Variants in GTF2H2 observed in about 807,000 individuals in gnomAD.
The protein encoded by GTF2H2 is TFIIH basal transcription factor complex p44 subunit.
Under a neutral mutation model 16.5 loss-of-function variants are expected in GTF2H2, and 2 were observed. The ratio of observed to expected loss-of-function variants is 0.12; its 90% CI spans 0.05 to 0.38. The LOEUF (loss-of-function observed/expected upper bound fraction) is 0.38, where lower values mean the gene tolerates loss of function less well. Ranked by LOEUF, GTF2H2 falls within the 10% of genes least tolerant of loss-of-function variation. The pLI is 0.99. For synonymous variants in GTF2H2, 8 were observed against 44.1 expected (o/e 0.18, Z 3.24); for missense variants, 20 against 137.0 (o/e 0.15, Z 4.26).
At chr5:71,057,122 C>T (rs1753300578) in intron 7 of GTF2H2, among the ~76,000 whole-genome samples, 2 of 93,024 alleles carry the variant, frequency 2.1e-5, no homozygotes, top group Non-Finnish European at 4.5e-5. Context: ...TACTATTAAA[C>T]ATTTAATTTT....
At chr5:71,054,419 G>A (rs1324070366) in intron 8 of GTF2H2, among the ~76,000 whole-genome samples, 1 of 145,890 alleles carries the variant, frequency 6.9e-6, no homozygotes, top group East Asian at 1.9e-4. Context: ...CTGAGCCAGG[G>A]CGGACTATCC....
At chr5:71,052,035 ACTCT>A in intron 8 of GTF2H2, among the ~76,000 whole-genome samples, 1 of 138,946 alleles carries the variant, frequency 7.2e-6, no homozygotes, top group African/African-American at 2.8e-5. Flanking sequence ...ACAGAGCGAG[ACTCT>A]CTCTCAAAAA....
rs1265834897 is a variant in GTF2H2, at chr5:71,058,221, A to G, written c.364+1469T>C. The stretch of plus-strand genomic sequence containing the variant: ...TTCTCAAAAAAAAAAAAAAAAAAGA[A>G]GTAATAGAAAACTGCTGGTAACTCG... On this transcript the variant is annotated intron_variant, in intron 7 of 15. Coordinates refer to ENST00000274400, the Ensembl canonical transcript of GTF2H2. The G allele has an allele frequency of 2.1e-5, 3 of 142,330 alleles. 1 individual carries two copies. Among genetic ancestry groups the G allele is most frequent in the African/African-American group, 8.0e-5 (3 of 37,390 alleles). 8.8% of individuals were successfully genotyped at this position (142,330 alleles called of 1,614,324 possible). A position where few individuals can be genotyped will look rare whatever the true frequency, so the allele number is the denominator to read the frequency against.
chr5:71,053,112 AATG>A (rs1232765211), intron 8 of GTF2H2, among the ~76,000 whole-genome samples: 2 of 115,980 alleles, frequency 1.7e-5, no homozygotes, highest in African/African-American at 3.5e-5. Context: ...TTGCATTCAC[AATG>A]TGACTAAGTG....
chr5:71,055,062 TATTAA>T (rs1489841541), intron 8 of GTF2H2: 1 of 218,384 alleles, frequency 4.6e-6, no homozygotes, highest in Non-Finnish European at 8.8e-6. Flanking sequence ...TATTATACTA[TATTAA>T]ATCTCATTTT....
At chr5:71,044,020 C>T (rs1382311685) in intron 12 of GTF2H2, among the ~76,000 whole-genome samples, 2 of 119,254 alleles carry the variant, frequency 1.7e-5, no homozygotes, top group East Asian at 2.5e-4. Flanking sequence ...AGTTTAATCT[C>T]TTCAAAATTT....
intron 8 of GTF2H2, among the ~76,000 whole-genome samples, chr5:71,052,915 A>ATTGTT (rs1752867782): frequency 1.1e-4 from 5 of 44,052 alleles, no homozygotes; most frequent in Non-Finnish European, 1.5e-4. Flanking sequence ...TGCCTGGCTA[A>ATTGTT]TTTTTTTTTT....
intron 14 of GTF2H2, among the ~76,000 whole-genome samples, chr5:71,038,188 C>T (rs1426437896): frequency 1.2e-5 from 1 of 81,544 alleles, no homozygotes; most frequent in African/African-American, 4.3e-5. Flanking sequence ...CAGCCTCAAC[C>T]TCCTGGGCTC....
intron 15 of GTF2H2, among the ~76,000 whole-genome samples, chr5:71,036,286 C>T (rs1751743695): frequency 1.2e-5 from 1 of 86,606 alleles, no homozygotes; most frequent in Non-Finnish European, 2.4e-5. Flanking sequence ...GAAAAAACTA[C>T]ATTTGTTCTT....
intron 8 of GTF2H2, chr5:71,054,886 T>C (rs1407067723): frequency 7.2e-6 from 1 of 138,662 alleles, no homozygotes; most frequent in African/African-American, 2.8e-5. Flanking sequence ...AAGCTTTAAC[T>C]ATACCAAGTA....
intron 8 of GTF2H2, among the ~76,000 whole-genome samples, chr5:71,054,808 T>G (rs1382790902): frequency 1.5e-5 from 2 of 137,368 alleles, no homozygotes; most frequent in Non-Finnish European, 1.6e-5. Flanking sequence ...AACATATATA[T>G]AAGCTTTATA....
At chr5:71,052,915 A>ATTGTTTTT (rs1752867782) in intron 8 of GTF2H2, among the ~76,000 whole-genome samples, 8 of 44,052 alleles carry the variant, frequency 1.8e-4, no homozygotes, top group Non-Finnish European at 2.2e-4. Context: ...TGCCTGGCTA[A>ATTGTTTTT]TTTTTTTTTT....
In GTF2H2 at chr5:71,037,833, A is replaced by G. The variant is rs541180534; in HGVS notation, c.1029-287T>C. On this transcript the variant is annotated intron_variant, in intron 14 of 15. Coordinates refer to ENST00000274400, the Ensembl canonical transcript of GTF2H2. ...CTAAAAATACAAAAATTAGCTGGGC[A>G]TGATGGCAGGCGCCTATAATCCCAG... is the stretch of plus-strand genomic sequence containing the variant. Among the ~76,000 whole-genome samples the G allele has an allele frequency of 3.4e-3, 255 of 75,120 alleles. 85 individuals carry two copies. Among genetic ancestry groups the G allele is most frequent in the Middle Eastern group, 0.026 (5 of 194 alleles). The allele number at this position is 75,120 out of a possible 152,430, so 49.3% of individuals were successfully genotyped here. A position where few individuals can be genotyped will look rare whatever the true frequency, so the allele number is the denominator to read the frequency against.
chr5:71,052,915 A>ATTGTTTTTTTTTTTTTT (rs1752867782), intron 8 of GTF2H2, among the ~76,000 whole-genome samples: 1 of 44,052 alleles, frequency 2.3e-5, no homozygotes, highest in Non-Finnish European at 3.7e-5. Flanking sequence ...TGCCTGGCTA[A>ATTGTTTTTTTTTTTTTT]TTTTTTTTTT....
At chr5:71,039,712 G>T (rs1751967715) in intron 14 of GTF2H2, among the ~76,000 whole-genome samples, 1 of 129,188 alleles carries the variant, frequency 7.7e-6, no homozygotes. Flanking sequence ...ATAGTACTGG[G>T]TTTTTCATTT....
In GTF2H2 at chr5:71,052,915, A is replaced by ATTG. The variant is rs1752867782; in HGVS notation, c.470+2436_470+2437insCAA. ...AGGTGCTCGCCACTGTGCCTGGCTA[A>ATTG]TTTTTTTTTTTTTTTTTTTTTTTTT... On this transcript the variant is annotated intron_variant, in intron 8 of 15. Coordinates refer to ENST00000274400, the Ensembl canonical transcript of GTF2H2. 1.7e-3 allele frequency among the ~76,000 whole-genome samples: 73 copies of ATTG among 44,040 alleles called. 3 individuals carry two copies. Among genetic ancestry groups the ATTG allele is most frequent in the East Asian group, 3.0e-3 (4 of 1,352 alleles). The allele number at this position is 44,040 out of a possible 152,430, so 28.9% of individuals were successfully genotyped here.
At chr5:71,044,267 C>T (rs1429273150) in intron 12 of GTF2H2, among the ~76,000 whole-genome samples, 1 of 37,644 alleles carries the variant, frequency 2.7e-5, no homozygotes, top group African/African-American at 1.2e-4. Flanking sequence ...GATTTTTTCC[C>T]TGACTTCCAG....
intron 11 of GTF2H2, among the ~76,000 whole-genome samples, chr5:71,046,032 T>A (rs1235774820): frequency 2.8e-5 from 4 of 144,132 alleles, no homozygotes; most frequent in Admixed American, 2.1e-4. Flanking sequence ...CGTTTATGCT[T>A]TTATGTTTAA....
chr5:71,053,515 CAAG>C, intron 8 of GTF2H2, among the ~76,000 whole-genome samples: 1 of 119,376 alleles, frequency 8.4e-6, no homozygotes, highest in East Asian at 2.3e-4. Flanking sequence ...TGAAATATTG[CAAG>C]AACTACCAAA....
Sources: gnomAD v4.1 joint callset for allele counts (sites outside exome capture counted in the v4.1 genomes callset) on GRCh38, gnomAD v4.1.1 for gene constraint, MANE v1.5 for transcripts, NCBI Gene and HGNC (gene_info 2026-07-23, HGNC 2026-07-21) for gene names.